FNIP2: variants seen among roughly 807,000 people sequenced by gnomAD.
FNIP2 encodes the protein folliculin interacting protein 2.
Under a neutral mutation model 108.7 loss-of-function variants are expected in FNIP2, and 32 were observed. The ratio of observed to expected loss-of-function variants is 0.29; its 90% CI spans 0.22 to 0.40. FNIP2 has a LOEUF of 0.40. Ranked by LOEUF, FNIP2 falls within the 10% of genes least tolerant of loss-of-function variation. The pLI is 1.00. For missense variants in FNIP2, 1,202 were observed against 1,381.6 expected, an observed-to-expected ratio of 0.87 and a Z score of 2.06; for synonymous variants, 480 against 496.7, an observed-to-expected ratio of 0.97 and a Z score of 0.45.
At chr4:158,794,512 G>C (rs1776519560) in intron 1 of FNIP2, 1 of 152,260 alleles carries the variant, frequency 6.6e-6, no homozygotes, top group Non-Finnish European at 1.5e-5. Flanking sequence ...TACATATGCA[G>C]GATGTGCAGG....
intron 1 of FNIP2, among the ~76,000 whole-genome samples, chr4:158,815,184 A>G (rs533020792): frequency 3.3e-5 from 5 of 152,200 alleles, no homozygotes; most frequent in Non-Finnish European, 7.3e-5. Flanking sequence ...CAAAGAGATT[A>G]GGTAACTCAC....
intron 1 of FNIP2, among the ~76,000 whole-genome samples, chr4:158,810,659 G>A (rs891812751): frequency 2.6e-5 from 4 of 152,200 alleles, no homozygotes; most frequent in South Asian, 2.1e-4. Context: ...TTTCATAGAC[G>A]CTAACAACTG....
At chr4:158,852,081 A>G (rs1469443018) in intron 8 of FNIP2, among the ~76,000 whole-genome samples, 1 of 152,238 alleles carries the variant, frequency 6.6e-6, no homozygotes, top group Non-Finnish European at 1.5e-5. Flanking sequence ...CTGATTTAGT[A>G]AATTGACTAG....
intron 7 of FNIP2, among the ~76,000 whole-genome samples, chr4:158,847,169 C>G (rs1488649578): frequency 6.6e-6 from 1 of 152,178 alleles, no homozygotes; most frequent in Non-Finnish European, 1.5e-5. Context: ...GAAAGGCTGT[C>G]TAGACCACAA....
intron 3 of FNIP2, 121 bp downstream of exon 3, chr4:158,829,346 C>A: frequency 1.2e-6 from 1 of 815,330 alleles, no homozygotes; most frequent in Non-Finnish European, 1.8e-6. Context: ...AAGTATTCAA[C>A]AGAGTACTCT....
intron 10 of FNIP2, 62 bp from the exon 11 acceptor site, chr4:158,861,280 C>T: frequency 6.5e-7 from 1 of 1,527,212 alleles, no homozygotes; most frequent in East Asian, 2.3e-5. Flanking sequence ...TTCTTTTACA[C>T]CAAGATTATC....
intron 1 of FNIP2, chr4:158,806,014 A>G: frequency 6.6e-6 from 4 of 608,226 alleles, no homozygotes; most frequent in Non-Finnish European, 8.6e-6. Context: ...GGCAGGCTTA[A>G]TTTACGTAAC....
intron 1 of FNIP2, among the ~76,000 whole-genome samples, chr4:158,792,169 T>G (rs780800369): frequency 6.6e-6 from 1 of 152,160 alleles, no homozygotes; most frequent in Non-Finnish European, 1.5e-5. Context: ...TCCTTATTAG[T>G]AAATTCACCT....
Position 158,904,505 on chromosome 4 carries a change from C to CA in FNIP2, c.3307dup (p.Ser1103LysfsTer15). 1 of 1,613,338 alleles carries CA rather than the reference C, an allele frequency of 6.2e-7. No individual in the cohort carries two copies. Among genetic ancestry groups the CA allele is most frequent in the Non-Finnish European group, 8.5e-7 (1 of 1,179,812 alleles). ...ACCTGCCTCTGTTGACTGCTATTGC[C>CA]AGTACTCATTCTCCTTATGTGGCTC... On this transcript the variant is annotated frameshift_variant, in exon 17 of 17. Transcript: ENST00000264433. LOFTEE classifies it high-confidence loss of function.
At chr4:158,845,593 G>T (rs1426559014) in intron 7 of FNIP2, among the ~76,000 whole-genome samples, 2 of 152,186 alleles carry the variant, frequency 1.3e-5, no homozygotes, top group Non-Finnish European at 1.5e-5. Flanking sequence ...TCCCCAGGTG[G>T]CTCAGATGTA....
chr4:158,785,645 A>G (rs1391744784), intron 1 of FNIP2, among the ~76,000 whole-genome samples: 1 of 150,674 alleles, frequency 6.6e-6, no homozygotes, highest in Non-Finnish European at 1.5e-5. Flanking sequence ...ATGCTTCTTA[A>G]CTGTATTTAC....
At chr4:158,882,098 GCGTCTCTGCCTGGCCGCCC>G (rs1457230353) in intron 14 of FNIP2, among the ~76,000 whole-genome samples, 1 of 151,580 alleles carries the variant, frequency 6.6e-6, no homozygotes, top group East Asian at 1.9e-4. Context: ...GAGGTGAGGA[GCGTCTCTGCCTGGCCGCCC>G]CGTCTGAGAA....
chr4:158,835,209 A>G (rs1011313493), intron 6 of FNIP2, 196 bp from the exon 7 acceptor site: 2 of 294,264 alleles, frequency 6.8e-6, no homozygotes, highest in South Asian at 5.5e-5. Flanking sequence ...TTTTTATGAG[A>G]TGGTTACTTG....
At chr4:158,881,007 CTAATA>C (rs1168551682) in intron 14 of FNIP2, among the ~76,000 whole-genome samples, 8 of 152,096 alleles carry the variant, frequency 5.3e-5, no homozygotes, top group Admixed American at 5.2e-4. Flanking sequence ...TACATAAAAG[CTAATA>C]TTAAGTCATG....
Position 158,899,017 on chromosome 4 carries a change from C to T in FNIP2, c.3266+3152C>T, listed in dbSNP as rs187756124. ...CTCTTATTATTTTGGGATACGTTCC[C>T]TCAATACCTAGTTTATTGAGAGTTT... On this transcript the variant is annotated intron_variant, in intron 16 of 16. Coordinates refer to ENST00000264433, the MANE Select transcript of FNIP2 (RefSeq NM_020840.3). Among the ~76,000 whole-genome samples, 23 of 152,268 alleles carry T rather than the reference C, an allele frequency of 1.5e-4. 1 individual carries two copies. In the East Asian group the frequency reaches 4.4e-3, roughly 29 times the overall value.
intron 14 of FNIP2, among the ~76,000 whole-genome samples, chr4:158,882,353 G>A (rs935086689): frequency 6.6e-6 from 1 of 151,294 alleles, no homozygotes; most frequent in Non-Finnish European, 1.5e-5. Context: ...CCCCCGTCCG[G>A]CCAGCCGCCC....
intron 12 of FNIP2, among the ~76,000 whole-genome samples, chr4:158,865,104 C>T (rs534718400): frequency 1.3e-4 from 20 of 152,258 alleles, no homozygotes; most frequent in South Asian, 8.3e-4. Flanking sequence ...CTTGGAAGCA[C>T]GCTTGACTCC....
chr4:158,903,025 T>C (rs942550441), intron 16 of FNIP2, among the ~76,000 whole-genome samples: 2 of 152,132 alleles, frequency 1.3e-5, no homozygotes, highest in African/African-American at 4.8e-5. Flanking sequence ...CGGGTGCCAC[T>C]GAGGTATGGA....
At chr4:158,859,547 A>T in intron 9 of FNIP2, 31 bp from the exon 10 acceptor site, 3 of 1,571,118 alleles carry the variant, frequency 1.9e-6, no homozygotes, top group Non-Finnish European at 2.6e-6. Flanking sequence ...ATTTCTTCTC[A>T]GTAATTTGAC....
Sources: gnomAD v4.1 joint callset for allele counts (sites outside exome capture counted in the v4.1 genomes callset) on GRCh38, gnomAD v4.1.1 for gene constraint, MANE v1.5 for transcripts, NCBI Gene and HGNC (gene_info 2026-07-23, HGNC 2026-07-21) for gene names.